THRA: variants seen among roughly 807,000 people sequenced by gnomAD.
THRA encodes EAR-7.
A neutral mutation model predicts 45.0 loss-of-function variants in THRA; 13 were observed. That is an observed-to-expected ratio of 0.29 (90% CI 0.19 to 0.46). The LOEUF is 0.46. THRA is among the 20% of genes least tolerant of loss of function. The probability of loss-of-function intolerance (pLI) is 1.00; values close to 1 mark genes in which losing one functional copy is unlikely to be tolerated. For missense variants in THRA, 278 were observed against 556.1 expected (o/e 0.50, Z 5.03); for synonymous variants, 195 against 214.0 (o/e 0.91, Z 0.78).
Position 40,089,762 on chromosome 17 carries a change from G to C in THRA, c.*306G>C. On this transcript the variant is annotated 3_prime_UTR_variant, in exon 9 of 9. Coordinates refer to ENST00000450525, the MANE Select transcript of THRA (RefSeq NM_199334.5). The surrounding 1 kb of genome is among the most constrained non-coding windows in gnomAD (Gnocchi z 6.1). ...GGGGAAGGGCGGGAGGATTGAGAAG[G>C]GACAAGCCACCTTGACCGTAGGGGA... 1 of 1,228,426 alleles carries C rather than the reference G, an allele frequency of 8.1e-7. No homozygotes were observed. Among genetic ancestry groups the C allele is most frequent in the Non-Finnish European group, 1.0e-6 (1 of 974,208 alleles). The allele number at this position is 1,228,426 out of a possible 1,614,324, so 76.1% of individuals were successfully genotyped here. A position where few individuals can be genotyped will look rare whatever the true frequency, so the allele number is the denominator to read the frequency against.
chr17:40,081,598 C>G (rs1189036766), intron 4 of THRA, among the ~76,000 whole-genome samples: 1 of 152,026 alleles, frequency 6.6e-6, no homozygotes, highest in Non-Finnish European at 1.5e-5. Flanking sequence ...GTGACTGACA[C>G]ATTGTAAACA....
intron 1 of THRA, among the ~76,000 whole-genome samples, chr17:40,065,230 G>A (rs1986511382): frequency 6.6e-6 from 1 of 151,924 alleles, no homozygotes; most frequent in Non-Finnish European, 1.5e-5. Context: ...AAAGCTCAGG[G>A]GTGTCTAACT....
intron 1 of THRA, among the ~76,000 whole-genome samples, chr17:40,064,808 C>T (rs1986494022): frequency 6.6e-6 from 1 of 152,150 alleles, no homozygotes; most frequent in South Asian, 2.1e-4. Flanking sequence ...AACCTGCAGA[C>T]ACAGGTGCAC....
chr17:40,088,925 A>C, intron 8 of THRA, among the ~76,000 whole-genome samples: 1 of 144,822 alleles, frequency 6.9e-6, no homozygotes, highest in Non-Finnish European at 1.5e-5. Flanking sequence ...CCCCACTCCA[A>C]GGCTCCTCTC....
intron 1 of THRA, among the ~76,000 whole-genome samples, chr17:40,068,113 T>G (rs1301400474): frequency 6.6e-6 from 1 of 152,182 alleles, no homozygotes; most frequent in Non-Finnish European, 1.5e-5. Flanking sequence ...TGGAGAACTG[T>G]TGTGTCTCTT....
intron 1 of THRA, among the ~76,000 whole-genome samples, chr17:40,068,569 T>C (rs1986655077): frequency 6.6e-6 from 1 of 152,206 alleles, no homozygotes; most frequent in Admixed American, 6.5e-5. Flanking sequence ...GTCAGAAGTT[T>C]GCTGGGTAGA....
At chr17:40,093,681 C>G, downstream of THRA, 1 of 634,446 alleles carries the variant, frequency 1.6e-6, no homozygotes, top group Non-Finnish European at 2.7e-6. The surrounding 1 kb of genome is among the most constrained non-coding windows in gnomAD (Gnocchi z 5.9). Context: ...CTCCCCCAGG[C>G]AGAAATAGTT....
chr17:40,078,566 G>C (rs1364387663), intron 4 of THRA, among the ~76,000 whole-genome samples: 1 of 152,178 alleles, frequency 6.6e-6, no homozygotes, highest in Non-Finnish European at 1.5e-5. Context: ...CATTCATTCA[G>C]TGTATTCTTA....
Position 40,091,306 on chromosome 17 carries a change from A to T in THRA, c.*1850A>T, listed in dbSNP as rs1987536629. ...CACACGGACATGGGAAGGCAATGCTATGCTGCCCGTCAGGGCACTGTCCTT... is the reference window on the plus strand; with the variant it reads ...CACACGGACATGGGAAGGCAATGCTTTGCTGCCCGTCAGGGCACTGTCCTT... On this transcript the variant is annotated 3_prime_UTR_variant, in exon 9 of 9. Coordinates refer to ENST00000450525, the MANE Select transcript of THRA (RefSeq NM_199334.5). 6.5e-6 allele frequency: 1 copy of T among 153,742 alleles called. No individual in the cohort carries two copies. The highest frequency in any genetic ancestry group is 2.4e-5 in the African/African-American group (1 of 41,214). The allele number at this position is 153,742 out of a possible 1,614,324, so 9.5% of individuals were successfully genotyped here.
Position 40,070,061 on chromosome 17 carries a change from T to A in THRA, c.-297-4131T>A, listed in dbSNP as rs546051084. ...GGATCCTTTGTTTAAGTAACCAATC[T>A]CCCCCTTATGAGGATCCCCACCCCA... On this transcript the variant is annotated intron_variant, in intron 1 of 8. Transcript: ENST00000450525. Among the ~76,000 whole-genome samples the A allele has an allele frequency of 2.4e-4, 36 of 152,052 alleles. No homozygotes were observed. The South Asian group carries it at 3.7e-3, about 16-fold the overall frequency.
Position 40,084,630 on chromosome 17 carries a change from C to G in THRA, c.391C>G (p.Arg131Gly). The change falls in exon 6 of 9, where the codon CGG (arginine) becomes GGG (glycine). Residue 131 changes from arginine to glycine, a missense_variant. Arg to Gly is a moderately radical substitution (Grantham distance 125, BLOSUM62 -2). Coordinates refer to ENST00000450525, the MANE Select transcript of THRA (RefSeq NM_199334.5). Reference protein sequence around the residue: ...AMDLVLDDSKRVAKRKLIEQN... With the variant: ...AMDLVLDDSKGVAKRKLIEQN... The stretch of plus-strand genomic sequence containing the variant: ...CACAGTGGTTCTAGATGACTCGAAG[C>G]GGGTGGCCAAGCGTAAGCTGATTGA... 1 of 1,614,040 alleles carries G rather than the reference C, an allele frequency of 6.2e-7. No homozygotes were observed. Among genetic ancestry groups the G allele is most frequent in the Non-Finnish European group, 8.5e-7 (1 of 1,180,002 alleles).
At chr17:40,068,405 C>T (rs376512204) in intron 1 of THRA, among the ~76,000 whole-genome samples, 1 of 152,368 alleles carries the variant, frequency 6.6e-6, no homozygotes. Flanking sequence ...CTGCCTGGAA[C>T]CAGAGACAGT....
At chr17:40,088,633 A>T in intron 8 of THRA, 133 bp downstream of exon 8, 2 of 1,145,064 alleles carry the variant, frequency 1.7e-6, no homozygotes, top group Non-Finnish European at 1.2e-6. Flanking sequence ...GCCATCCCCT[A>T]TCCCCTGTTC....
chr17:40,088,891 T>G (rs1380487940), intron 8 of THRA, among the ~76,000 whole-genome samples: 1 of 126,728 alleles, frequency 7.9e-6, no homozygotes. Flanking sequence ...GCACCCCGCC[T>G]CTCTGACCAC....
chr17:40,071,970 C>CT, intron 1 of THRA: 1 of 152,346 alleles, frequency 6.6e-6, no homozygotes, highest in East Asian at 1.9e-4. Context: ...CAGGGGCTGA[C>CT]TGTAGCTGGG....
intron 1 of THRA, among the ~76,000 whole-genome samples, chr17:40,065,433 TTCTC>T (rs1276731483): frequency 6.6e-5 from 10 of 152,102 alleles, no homozygotes; most frequent in Non-Finnish European, 1.0e-4. Context: ...GACTTGGAAT[TTCTC>T]TCTAACTCTG....
At position 40,084,597 on chromosome 17, in the gene THRA, T is replaced by C. The variant is rs754227602; in HGVS notation, c.371-13T>C. On this transcript the variant is annotated splice_polypyrimidine_tract_variant and intron_variant, in intron 5 of 8. Transcript: ENST00000450525. ...GGTGCCATGCGTTAGACCTTGTGCC[T>C]CTCTGTTCACAGTGGTTCTAGATGA... is the stretch of plus-strand genomic sequence containing the variant. The C allele has an allele frequency of 2.5e-6, 4 of 1,613,710 alleles. No individual in the cohort carries two copies. The highest frequency in any genetic ancestry group is 2.5e-6 in the Non-Finnish European group (3 of 1,179,796).
intron 1 of THRA, among the ~76,000 whole-genome samples, chr17:40,068,146 G>A (rs1253836135): frequency 2.0e-5 from 3 of 152,230 alleles, no homozygotes; most frequent in African/African-American, 2.4e-5. Context: ...AAGCATGACC[G>A]TGGTGGGAAG....
intron 1 of THRA, among the ~76,000 whole-genome samples, chr17:40,065,306 C>T (rs1986513952): frequency 6.6e-6 from 1 of 152,168 alleles, no homozygotes; most frequent in Non-Finnish European, 1.5e-5. Context: ...AGCTGAGTTC[C>T]TGCGCCCCAC....
Sources: gnomAD v4.1 joint callset for allele counts (sites outside exome capture counted in the v4.1 genomes callset) on GRCh38, gnomAD v4.1.1 for gene constraint, Gnocchi (gnomAD v3.1) non-coding constraint, MANE v1.5 for transcripts, NCBI Gene and HGNC (gene_info 2026-07-23, HGNC 2026-07-21) for gene names.